Variants in LRRC7 observed in about 807,000 individuals in gnomAD.
LRRC7 encodes the protein leucine rich repeat containing 7.
Under a neutral mutation model 175.7 loss-of-function variants are expected in LRRC7, and 23 were observed. The ratio of observed to expected loss-of-function variants is 0.13; its 90% CI spans 0.09 to 0.19. The LOEUF is 0.19. LRRC7 is among the 10% of genes least tolerant of loss of function. The pLI, the probability that LRRC7 is intolerant of heterozygous loss-of-function variation, is 1.00. For missense variants in LRRC7, 1,354 were observed against 1,904.7 expected, an observed-to-expected ratio of 0.71 and a Z score of 5.38; for synonymous variants, 685 against 680.9, an observed-to-expected ratio of 1.01 and a Z score of -0.09.
Position 70,131,774 on chromosome 1 carries a change from A to G in LRRC7, c.*9887A>G, listed in dbSNP as rs977837340. On this transcript the variant is annotated 3_prime_UTR_variant, in exon 27 of 27. Coordinates refer to ENST00000651989, the MANE Select transcript of LRRC7 (RefSeq NM_001370785.2). ...TTTGGTATCTTATAGCCCAGTGTCT[A>G]TACATTTACATGGGTAAAAGAATGC... 5.9e-5 allele frequency among the ~76,000 whole-genome samples: 9 copies of G among 152,188 alleles called. No homozygotes were observed.
intron 1 of LRRC7, among the ~76,000 whole-genome samples, chr1:69,610,325 T>A (rs1378275380): frequency 6.6e-6 from 1 of 152,100 alleles, no homozygotes; most frequent in African/African-American, 2.4e-5. Context: ...AGTTTTTCTT[T>A]GGCAAGAATA....
intron 8 of LRRC7, among the ~76,000 whole-genome samples, chr1:69,972,649 A>G (rs1652360497): frequency 6.6e-6 from 1 of 152,162 alleles, no homozygotes; most frequent in Non-Finnish European, 1.5e-5. Context: ...GTGAAAGGGA[A>G]ACGCTTTTAC....
intron 2 of LRRC7, among the ~76,000 whole-genome samples, chr1:69,728,115 C>G (rs1225274374): frequency 6.6e-6 from 1 of 152,032 alleles, no homozygotes; most frequent in African/African-American, 2.4e-5. Context: ...AGATTTATTT[C>G]TCTTTTTAAT....
At chr1:70,016,112 A>G (rs1246827151) in intron 13 of LRRC7, among the ~76,000 whole-genome samples, 5 of 152,140 alleles carry the variant, frequency 3.3e-5, no homozygotes, top group Non-Finnish European at 7.4e-5. Flanking sequence ...AAAGTGAAGT[A>G]AGGGAGAGAG....
intron 7 of LRRC7, among the ~76,000 whole-genome samples, chr1:69,894,141 G>A (rs951719768): frequency 2.0e-5 from 3 of 152,120 alleles, no homozygotes; most frequent in Non-Finnish European, 4.4e-5. Flanking sequence ...AATCTAATAG[G>A]TAATATAGTT....
chr1:69,896,176 A>G (rs1645974187), intron 7 of LRRC7, among the ~76,000 whole-genome samples: 1 of 152,156 alleles, frequency 6.6e-6, no homozygotes, highest in Non-Finnish European at 1.5e-5. Flanking sequence ...ATATCGATGC[A>G]TAATAGATGT....
chr1:69,641,807 A>G (rs1654256905), intron 1 of LRRC7, among the ~76,000 whole-genome samples: 1 of 151,850 alleles, frequency 6.6e-6, no homozygotes, highest in African/African-American at 2.4e-5. Context: ...GCCAGTCTAC[A>G]TATAAAAATT....
intron 3 of LRRC7, among the ~76,000 whole-genome samples, chr1:69,778,300 A>T (rs945630971): frequency 1.7e-4 from 26 of 152,194 alleles, no homozygotes; most frequent in Admixed American, 4.6e-4. Flanking sequence ...ACTCTGTTCC[A>T]GGGAAACAAA....
chr1:69,887,762 G>T (rs1393444843), intron 7 of LRRC7, among the ~76,000 whole-genome samples: 2 of 146,958 alleles, frequency 1.4e-5, no homozygotes, highest in Non-Finnish European at 3.0e-5. Context: ...TCTACTTTTG[G>T]TCTTTGATGA....
intron 25 of LRRC7, among the ~76,000 whole-genome samples, chr1:70,107,368 A>T (rs924619643): frequency 8.5e-5 from 13 of 152,200 alleles, no homozygotes. Context: ...TACTTTTTCA[A>T]ATACCTTCAA....
chr1:69,672,795 G>A (rs1011569577), intron 1 of LRRC7, among the ~76,000 whole-genome samples: 9 of 152,078 alleles, frequency 5.9e-5, no homozygotes, highest in Non-Finnish European at 1.3e-4. Flanking sequence ...CATATTCCCT[G>A]ATCCAACTGA....
intron 10 of LRRC7, among the ~76,000 whole-genome samples, chr1:69,990,440 TTAAA>T (rs1477417532): frequency 3.9e-5 from 6 of 151,970 alleles, no homozygotes; most frequent in Non-Finnish European, 8.8e-5. Context: ...ATTTGGTAAA[TTAAA>T]TTAATTAAAT....
At chr1:69,654,686 C>T (rs1371545734) in intron 1 of LRRC7, among the ~76,000 whole-genome samples, 1 of 152,000 alleles carries the variant, frequency 6.6e-6, no homozygotes, top group Admixed American at 6.6e-5. Flanking sequence ...TCTATAAGTT[C>T]ATTTTTACAA....
At chr1:69,714,778 G>C (rs1665155523) in intron 2 of LRRC7, among the ~76,000 whole-genome samples, 1 of 151,964 alleles carries the variant, frequency 6.6e-6, no homozygotes, top group Non-Finnish European at 1.5e-5. Context: ...TTAGGAATCT[G>C]ATGTTTTTTT....
At position 70,014,786 on chromosome 1, in the gene LRRC7, CT is replaced by C. The variant is rs748238288; in HGVS notation, c.1251-1678del. On this transcript the variant is annotated intron_variant, in intron 13 of 26. Transcript: ENST00000651989. ...TGCCTTGTCAGCTGCAAGATTGCTC[CT>C]GTGGTCAATGTACTGCACATTTATG... 1.5e-4 allele frequency among the ~76,000 whole-genome samples: 23 copies of C among 152,108 alleles called. No individual in the cohort carries two copies. The South Asian group carries it at 3.7e-3, about 25-fold the overall frequency.
intron 7 of LRRC7, among the ~76,000 whole-genome samples, chr1:69,912,952 T>A (rs1646577759): frequency 6.6e-6 from 1 of 152,176 alleles, no homozygotes; most frequent in African/African-American, 2.4e-5. Context: ...TACTTCTTTG[T>A]ACAGAATCTT....
intron 7 of LRRC7, among the ~76,000 whole-genome samples, chr1:69,930,325 G>A (rs752946917): frequency 7.9e-5 from 12 of 151,986 alleles, no homozygotes; most frequent in Non-Finnish European, 1.3e-4. Flanking sequence ...GATAGCATCC[G>A]GATTGCAGTA....
intron 1 of LRRC7, among the ~76,000 whole-genome samples, chr1:69,637,601 T>C (rs1653589219): frequency 6.6e-6 from 1 of 151,984 alleles, no homozygotes; most frequent in Admixed American, 6.6e-5. Context: ...GGTAATTTAT[T>C]TAAAAGTCAA....
chr1:70,113,830 A>G (rs916596331), intron 26 of LRRC7, among the ~76,000 whole-genome samples: 8 of 152,170 alleles, frequency 5.3e-5, no homozygotes, highest in African/African-American at 1.9e-4. Context: ...AAGAACTCTG[A>G]GAATTCTTAC....
Sources: allele counts gnomAD v4.1 joint callset (sites outside exome capture counted in the v4.1 genomes callset), GRCh38; gene constraint gnomAD v4.1.1; transcripts MANE v1.5; gene names NCBI Gene and HGNC (gene_info 2026-07-23, HGNC 2026-07-21).